ATP8B1: variants seen among roughly 807,000 people sequenced by gnomAD.
ATP8B1 encodes ATPase phospholipid transporting 8B1.
In ATP8B1, 80 loss-of-function variants were observed where a neutral mutation model predicts 149.9. The ratio of observed to expected loss-of-function variants is 0.53; its 90% CI spans 0.45 to 0.64. The LOEUF (loss-of-function observed/expected upper bound fraction) is 0.64, where lower values mean the gene tolerates loss of function less well. Among genes scored for constraint, ATP8B1 ranks in the 30% least tolerant of loss-of-function variants. ATP8B1 has a pLI of 0.00. For synonymous variants in ATP8B1, 536 were observed against 562.8 expected (o/e 0.95, Z 0.67); for missense variants, 1,247 against 1,552.6 (o/e 0.80, Z 3.31).
chr18:57,679,032 G>A (rs1911782154), intron 15 of ATP8B1, among the ~76,000 whole-genome samples: 1 of 142,550 alleles, frequency 7.0e-6, no homozygotes, highest in Non-Finnish European at 1.5e-5. Flanking sequence ...CTGACCTTTC[G>A]TCCTGGCTAA....
chr18:57,666,990 C>T (rs748777443), intron 20 of ATP8B1, 102 bp downstream of exon 20: 30 of 1,060,354 alleles, frequency 2.8e-5, no homozygotes, highest in Admixed American at 5.6e-5. Context: ...CCAAGTGACA[C>T]ATCGTAACCC....
At chr18:57,751,177 A>G (rs1222342764) in intron 1 of ATP8B1, among the ~76,000 whole-genome samples, 2 of 152,156 alleles carry the variant, frequency 1.3e-5, no homozygotes, top group African/African-American at 4.8e-5. Context: ...TGGCTTAAAC[A>G]TTAGTAATTT....
At chr18:57,758,478 T>TAA (rs558042405) in intron 1 of ATP8B1, among the ~76,000 whole-genome samples, 2,208 of 144,974 alleles carry the variant, frequency 0.015, 49 homozygotes, top group Non-Finnish European at 0.018. Flanking sequence ...CCGTCTCTAC[T>TAA]AAAAAAAAAA....
intron 1 of ATP8B1, among the ~76,000 whole-genome samples, chr18:57,787,458 C>A (rs557085857): frequency 6.6e-6 from 1 of 151,508 alleles, no homozygotes. Context: ...TAGAACACTG[C>A]GGGAGGAGCT....
chr18:57,792,464 AC>A (rs879816029), intron 1 of ATP8B1, among the ~76,000 whole-genome samples: 3 of 152,078 alleles, frequency 2.0e-5, no homozygotes, highest in Non-Finnish European at 2.9e-5. Context: ...TACATGAAAA[AC>A]ATCATGCTAA....
In ATP8B1 at chr18:57,794,368, A is replaced by G. The variant is rs114874074; in HGVS notation, c.-26+8630T>C. On this transcript the variant is annotated intron_variant, in intron 1 of 27. Transcript: ENST00000648908. ...GACACCTATAAGCACATTATTATAG[A>G]GGTGGAACATTTGATAACTCTGCCA... 8.6e-3 allele frequency among the ~76,000 whole-genome samples: 1,296 copies of G among 151,184 alleles called. 18 individuals are homozygous for G. Among genetic ancestry groups the G allele is most frequent in the African/African-American group, 0.027 (1,116 of 41,176 alleles).
intron 1 of ATP8B1, among the ~76,000 whole-genome samples, chr18:57,782,893 A>C (rs1330338158): frequency 7.4e-6 from 1 of 135,848 alleles, no homozygotes; most frequent in African/African-American, 2.8e-5. Flanking sequence ...GGCTCACTGC[A>C]AACTCGCCTC....
chr18:57,725,236 A>T (rs1346792550), intron 2 of ATP8B1, among the ~76,000 whole-genome samples: 4 of 84,812 alleles, frequency 4.7e-5, no homozygotes, highest in Admixed American at 1.4e-4. Context: ...ATGTACCCTA[A>T]AACTTAAAGT....
chr18:57,747,128 A>G (rs1480784276), intron 1 of ATP8B1, among the ~76,000 whole-genome samples: 1 of 152,152 alleles, frequency 6.6e-6, no homozygotes, highest in East Asian at 1.9e-4. Flanking sequence ...AGTGCCTTGG[A>G]GAGGGGCCAG....
In ATP8B1 at chr18:57,731,494, C is replaced by A. The variant is rs370218613; in HGVS notation, c.181+133G>T. On this transcript the variant is annotated intron_variant, in intron 2 of 27. Transcript: ENST00000648908. ...CAAGCCCATCCACCATTCTGTCAGT[C>A]GCATCCTAAGAAGAGATCAGAGAAG... is the stretch of plus-strand genomic sequence containing the variant. 2.9e-6 allele frequency: 3 copies of A among 1,040,710 alleles called. 1 individual carries two copies. Among genetic ancestry groups the A allele is most frequent in the South Asian group, 2.8e-5 (2 of 72,310 alleles). The allele number at this position is 1,040,710 out of a possible 1,614,324, so 64.5% of individuals were successfully genotyped here. A position where few individuals can be genotyped will look rare whatever the true frequency, so the allele number is the denominator to read the frequency against.
At chr18:57,739,847 G>T (rs1365184131) in intron 1 of ATP8B1, among the ~76,000 whole-genome samples, 5 of 152,132 alleles carry the variant, frequency 3.3e-5, no homozygotes, top group Admixed American at 3.3e-4. Flanking sequence ...CTCTAGTAGG[G>T]TACTGAAGAT....
intron 1 of ATP8B1, among the ~76,000 whole-genome samples, chr18:57,751,301 T>C (rs1028266087): frequency 1.3e-5 from 2 of 151,760 alleles, no homozygotes; most frequent in African/African-American, 2.4e-5. Flanking sequence ...CTGGGCAGTA[T>C]GGTGAAACCA....
Position 57,728,255 on chromosome 18 carries a change from T to G in ATP8B1, c.181+3372A>C, listed in dbSNP as rs191274659. On this transcript the variant is annotated intron_variant, in intron 2 of 27. Coordinates refer to ENST00000648908, the MANE Select transcript of ATP8B1 (RefSeq NM_001374385.1). ...CTAGAATGGGTGCTGGTCCCTGGTG[T>G]TAGTCTGGTGGTACCTCGCAGGGTG... Among the ~76,000 whole-genome samples, 628 of 149,794 alleles carry G rather than the reference T, an allele frequency of 4.2e-3. 4 individuals carry two copies. Among genetic ancestry groups the G allele is most frequent in the African/African-American group, 0.015 (590 of 39,510 alleles).
chr18:57,760,371 G>A (rs1219773454), intron 1 of ATP8B1, among the ~76,000 whole-genome samples: 2 of 152,210 alleles, frequency 1.3e-5, no homozygotes, highest in Admixed American at 6.5e-5. Flanking sequence ...CAGAGGGAAA[G>A]GGCCTGTCCC....
chr18:57,652,880 T>C, intron 24 of ATP8B1, 151 bp from the exon 25 acceptor site: 1 of 970,838 alleles, frequency 1.0e-6, no homozygotes, highest in Non-Finnish European at 1.6e-6. Context: ...TCCTGCAATA[T>C]TTGTGGTGTG....
chr18:57,702,081 T>C (rs1204431577), intron 4 of ATP8B1, among the ~76,000 whole-genome samples: 1 of 152,182 alleles, frequency 6.6e-6, no homozygotes, highest in African/African-American at 2.4e-5. Context: ...GAGGATCCCA[T>C]GCTGAAGGCA....
At chr18:57,776,360 A>G (rs1346126198) in intron 1 of ATP8B1, among the ~76,000 whole-genome samples, 2 of 152,258 alleles carry the variant, frequency 1.3e-5, no homozygotes, top group African/African-American at 4.8e-5. Context: ...GTTCACGTGA[A>G]TTAGGCTTCT....
At chr18:57,768,840 C>T (rs17691970) in intron 1 of ATP8B1, among the ~76,000 whole-genome samples, 33,066 of 152,134 alleles carry the variant, frequency 0.22, 3,737 homozygotes, top group Middle Eastern at 0.3. Context: ...AACCCTTGGG[C>T]TGACCATAGC....
intron 1 of ATP8B1, among the ~76,000 whole-genome samples, chr18:57,796,781 G>A (rs1222090538): frequency 1.3e-5 from 2 of 152,266 alleles, no homozygotes; most frequent in African/African-American, 4.8e-5. Flanking sequence ...CCGCCTCCCG[G>A]ATTCAAGCGA....
Sources: allele counts gnomAD v4.1 joint callset (sites outside exome capture counted in the v4.1 genomes callset), GRCh38; gene constraint gnomAD v4.1.1; transcripts MANE v1.5; gene names NCBI Gene and HGNC (gene_info 2026-07-23, HGNC 2026-07-21).